The following ETHE1 variants were observed in gnomAD, a reference collection of about 807,000 sequenced individuals.
ETHE1 encodes ETHE1 persulfide dioxygenase.
ETHE1 carries 16 observed loss-of-function variants against 25.7 expected under a neutral mutation model. That is an observed-to-expected ratio of 0.62 (90% CI 0.42 to 0.95). ETHE1 has a LOEUF of 0.95. ETHE1 is among the 40% of genes least tolerant of loss of function. The probability of loss-of-function intolerance (pLI) is 0.00; values close to 1 mark genes in which losing one functional copy is unlikely to be tolerated. For missense variants in ETHE1, 300 were observed against 333.6 expected (o/e 0.90, Z 0.79); for synonymous variants, 139 against 135.9 (o/e 1.02, Z -0.16).
intron 3 of ETHE1, among the ~76,000 whole-genome samples, chr19:43,518,255 A>G (rs1236899833): frequency 2.0e-5 from 3 of 151,986 alleles, no homozygotes; most frequent in Non-Finnish European, 4.4e-5. Context: ...CGTGGCTCAC[A>G]CCTATAATTA....
At chr19:43,513,501 T>C (rs1273850828) in intron 3 of ETHE1, among the ~76,000 whole-genome samples, 1 of 152,174 alleles carries the variant, frequency 6.6e-6, no homozygotes, top group Non-Finnish European at 1.5e-5. Context: ...GAGTAAAAGA[T>C]CTTTTTGGAG....
rs1233567282 is a variant in ETHE1 at position 43,526,005 on chromosome 19, C to G, written c.375+196G>C. ...GGAGTTCCGCCAGTGCCCCACCTGC[C>G]CAGAGCCTCTTGCCCCAGTGCCCCA... On this transcript the variant is annotated intron_variant, in intron 3 of 6. Transcript: ENST00000292147. 4.7e-5 allele frequency: 33 copies of G among 706,466 alleles called. No homozygotes were observed. The South Asian group carries it at 5.9e-4, about 13-fold the overall frequency. The allele number at this position is 706,466 out of a possible 1,614,324, so 43.8% of individuals were successfully genotyped here.
chr19:43,523,856 C>T lies in ETHE1; in HGVS notation c.375+2345G>A, dbSNP rs140627212. 9.5e-3 allele frequency among the ~76,000 whole-genome samples: 1,430 copies of T among 151,176 alleles called. 11 individuals carry two copies. Among genetic ancestry groups the T allele is most frequent in the Middle Eastern group, 0.018 (5 of 280 alleles). On this transcript the variant is annotated intron_variant, in intron 3 of 6. Coordinates refer to ENST00000292147, the MANE Select transcript of ETHE1 (RefSeq NM_014297.5). ...GAGGCTGAGACAGCAGAATCGCTTGCGCTCAGGAGGCAGAGGCTGCAGTGA... is the reference window on the plus strand; with the variant it reads ...GAGGCTGAGACAGCAGAATCGCTTGTGCTCAGGAGGCAGAGGCTGCAGTGA...
chr19:43,508,138 C>A, intron 5 of ETHE1, 78 bp from the exon 6 acceptor site: 1 of 1,588,196 alleles, frequency 6.3e-7, no homozygotes, highest in Non-Finnish European at 8.5e-7. Flanking sequence ...CCCAGGAGGC[C>A]TTGGGTGCCT....
intron 1 of ETHE1, 111 bp downstream of exon 1, chr19:43,526,986 A>C: frequency 1.3e-6 from 2 of 1,532,688 alleles, no homozygotes; most frequent in Non-Finnish European, 8.7e-7. Flanking sequence ...CGCTTTCCGC[A>C]AGATGCAGGC....
intron 4 of ETHE1, among the ~76,000 whole-genome samples, chr19:43,509,602 T>C (rs1161872806): frequency 6.6e-6 from 1 of 151,886 alleles, no homozygotes; most frequent in Non-Finnish European, 1.5e-5. Context: ...GAGACCATCC[T>C]GGCTAACATG....
In ETHE1 at chr19:43,514,325, C is replaced by T. The variant is rs142259737; in HGVS notation, c.376-2759G>A. Among the ~76,000 whole-genome samples, 509 of 152,108 alleles carry T rather than the reference C, an allele frequency of 3.3e-3. 2 individuals are homozygous for T. Among genetic ancestry groups the T allele is most frequent in the African/African-American group, 0.011 (455 of 41,494 alleles). ...TCACAAGATCTGATGATCTTACAAA[C>T]GGCAGTTCCCCTGCACACACTTTCT... On this transcript the variant is annotated intron_variant, in intron 3 of 6. Transcript: ENST00000292147.
Position 43,506,884 on chromosome 19 carries a change from T to C in ETHE1, c.731A>G (p.Asn244Ser). 1 of 1,613,858 alleles carries C rather than the reference T, an allele frequency of 6.2e-7. No individual in the cohort carries two copies. The stretch of plus-strand genomic sequence containing the variant: ...GGGTGTCTGCACCCCACAGCGCATG[T>C]TGGCTGGAACAGCAAAGTCTGAAAG... ...PQQIDFAVPA[N>S]MRCGVQTPTA Residue 244 changes from asparagine (N) to serine (S), a missense_variant, in exon 7 of 7, where the codon AAC becomes AGC. Coordinates refer to ENST00000292147, the MANE Select transcript of ETHE1 (RefSeq NM_014297.5).
chr19:43,511,079 G>C (rs796735408), intron 4 of ETHE1, among the ~76,000 whole-genome samples: 10 of 152,068 alleles, frequency 6.6e-5, no homozygotes, highest in African/African-American at 2.4e-4. Context: ...TCCCAGATGT[G>C]ACCATCTAGT....
chr19:43,508,697 G>T, intron 5 of ETHE1, 78 bp downstream of exon 5: 2 of 1,192,650 alleles, frequency 1.7e-6, no homozygotes, highest in Non-Finnish European at 2.4e-6. Flanking sequence ...TCGTCTTCAT[G>T]CCCTACAAGG....
In ETHE1 at chr19:43,526,587, C is replaced by G; in HGVS notation, c.154G>C (p.Asp52His). 1 of 1,614,004 alleles carries G rather than the reference C, an allele frequency of 6.2e-7. No individual in the cohort carries two copies. The highest frequency in any genetic ancestry group is 8.5e-7 in the Non-Finnish European group (1 of 1,179,984). The change falls in exon 2 of 7, where the codon GAC (aspartate) becomes CAC (histidine). Residue 52 changes from aspartate (D) to histidine (H), a missense_variant. Physicochemically the swap from Asp to His is moderately conservative, Grantham distance 81. Transcript: ENST00000292147. ...DRESREAVLI[D>H]PVLETAPRDA... is the part of the protein sequence containing the mutation. ...CGAGGCGCTGTTTCCAGGACTGGGTCGATCAGAACGGCCTCCCGGGACTCT... is the reference window on the plus strand; with the variant it reads ...CGAGGCGCTGTTTCCAGGACTGGGTGGATCAGAACGGCCTCCCGGGACTCT...
At chr19:43,519,796 T>C (rs1464832864) in intron 3 of ETHE1, among the ~76,000 whole-genome samples, 3 of 152,206 alleles carry the variant, frequency 2.0e-5, no homozygotes, top group African/African-American at 7.2e-5. Context: ...CCGGAGTGGA[T>C]GCCTAAAACC....
chr19:43,510,447 G>T lies in ETHE1; in HGVS notation c.505+990C>A, dbSNP rs60602121. ...GCCTCCTGGGTTCAAGTAAATCTCTGCCTCAGCCTCCCGAGTAGCTGGGAC... is the reference window on the plus strand; with the variant it reads ...GCCTCCTGGGTTCAAGTAAATCTCTTCCTCAGCCTCCCGAGTAGCTGGGAC... On this transcript the variant is annotated intron_variant, in intron 4 of 6. Coordinates refer to ENST00000292147, the MANE Select transcript of ETHE1 (RefSeq NM_014297.5). 9.0e-3 allele frequency among the ~76,000 whole-genome samples: 1,330 copies of T among 148,424 alleles called. 22 individuals are homozygous for T. The highest frequency in any genetic ancestry group is 0.031 in the African/African-American group (1,244 of 40,120).
chr19:43,518,751 CA>C (rs34214132), intron 3 of ETHE1, among the ~76,000 whole-genome samples: 19,798 of 78,030 alleles, frequency 0.25, 1,108 homozygotes, highest in East Asian at 0.43. Flanking sequence ...ACTCTTGTCT[CA>C]AAAAAAAAAA....
intron 4 of ETHE1, 93 bp from the exon 5 acceptor site, chr19:43,508,957 T>G: frequency 1.1e-6 from 1 of 950,444 alleles, no homozygotes; most frequent in South Asian, 1.4e-5. Flanking sequence ...AAAATCACTA[T>G]AGCTAAACCC....
intron 3 of ETHE1, among the ~76,000 whole-genome samples, chr19:43,518,205 A>G (rs1292280157): frequency 2.0e-5 from 3 of 152,022 alleles, no homozygotes; most frequent in Non-Finnish European, 4.4e-5. Flanking sequence ...ACTAAGCTCA[A>G]TTGTATCCTG....
At chr19:43,512,498 A>T (rs1971936891) in intron 3 of ETHE1, among the ~76,000 whole-genome samples, 3 of 152,090 alleles carry the variant, frequency 2.0e-5, no homozygotes, top group South Asian at 4.1e-4. Context: ...TGCCCTAGAG[A>T]TCTGTGGAAC....
At chr19:43,510,125 T>A (rs1378100236) in intron 4 of ETHE1, among the ~76,000 whole-genome samples, 1 of 151,956 alleles carries the variant, frequency 6.6e-6, no homozygotes, top group East Asian at 1.9e-4. Context: ...GCCTCACCTC[T>A]CCCCACAAGA....
rs999521768 is a variant in ETHE1 at position 43,526,198 on chromosome 19, C to T, written c.375+3G>A. On this transcript the variant is annotated splice_donor_region_variant and intron_variant, in intron 3 of 6. Coordinates refer to ENST00000292147, the MANE Select transcript of ETHE1 (RefSeq NM_014297.5). ...CCTCTTGGGGACCCAGCACCCAACT[C>T]ACGAAGCGCCCGAAGCGGATGGAGT... 3 of 1,614,166 alleles carry T rather than the reference C, an allele frequency of 1.9e-6. No homozygotes were observed. Among genetic ancestry groups the T allele is most frequent in the Non-Finnish European group, 2.5e-6 (3 of 1,180,026 alleles).
Sources: gnomAD v4.1 joint callset for allele counts (sites outside exome capture counted in the v4.1 genomes callset) on GRCh38, gnomAD v4.1.1 for gene constraint, MANE v1.5 for transcripts, NCBI Gene and HGNC (gene_info 2026-07-23, HGNC 2026-07-21) for gene names.